Variants in ARHGAP39 observed in about 807,000 individuals in gnomAD.
ARHGAP39 encodes rho GTPase-activating protein 39.
A neutral mutation model predicts 106.9 loss-of-function variants in ARHGAP39; 44 were observed. The observed-to-expected ratio is 0.41, with a 90% CI of 0.32 to 0.53. The LOEUF (loss-of-function observed/expected upper bound fraction) is 0.53. ARHGAP39 is among the 20% of genes least tolerant of loss of function. The probability of loss-of-function intolerance (pLI) is 0.21; values close to 1 mark genes in which losing one functional copy is unlikely to be tolerated. For missense variants in ARHGAP39, 1,496 were observed against 1,577.3 expected (o/e 0.95, Z 0.87); for synonymous variants, 768 against 693.2 (o/e 1.11, Z -1.69).
At chr8:144,590,884 AGAGGG>A in intron 2 of ARHGAP39, among the ~76,000 whole-genome samples, 1 of 151,804 alleles carries the variant, frequency 6.6e-6, no homozygotes, top group South Asian at 2.1e-4. Context: ...GGGTCCAGCC[AGAGGG>A]TGAGGTCGCC....
chr8:144,692,499 T>G, the ARHGAP39 span, among the ~76,000 whole-genome samples: 16 of 152,304 alleles, frequency 1.1e-4, no homozygotes, highest in African/African-American at 3.6e-4. Context: ...CTTGCTTAAC[T>G]ATAAATCCTC....
chr8:144,568,526 G>A (rs1818481627), intron 3 of ARHGAP39, among the ~76,000 whole-genome samples: 1 of 152,148 alleles, frequency 6.6e-6, no homozygotes, highest in African/African-American at 2.4e-5. Flanking sequence ...GGAACTGTGT[G>A]GGGTGATGTA....
intron 3 of ARHGAP39, 121 bp downstream of exon 3, chr8:144,580,725 G>A (rs1235373598): frequency 3.9e-6 from 4 of 1,020,882 alleles, no homozygotes; most frequent in African/African-American, 2.4e-5. Flanking sequence ...ACCTGGCCCC[G>A]CCCACCACCT....
chr8:144,588,719 C>A (rs1297062115), intron 2 of ARHGAP39, among the ~76,000 whole-genome samples: 3 of 152,270 alleles, frequency 2.0e-5, no homozygotes, highest in African/African-American at 7.2e-5. Flanking sequence ...GGAGGCAGCA[C>A]GGCGGCACGG....
chr8:144,543,749 G>A (rs1472758456), intron 6 of ARHGAP39: 1 of 152,426 alleles, frequency 6.6e-6, no homozygotes, highest in Non-Finnish European at 1.5e-5. Flanking sequence ...ACTCCCCTAG[G>A]AAGCCACAGC....
At position 144,552,367 on chromosome 8, in the gene ARHGAP39, G is replaced by A. The variant is rs191810048; in HGVS notation, c.596+3193C>T. 2.0e-5 allele frequency among the ~76,000 whole-genome samples: 3 copies of A among 152,406 alleles called. No individual in the cohort carries two copies. The East Asian group carries it at 5.8e-4, about 29-fold the overall frequency. ...CTGCTGTCCCTGCAGAGCCTGGACG[G>A]AGCTGGGAGAAGCGCGCGGCGGCAG... is the stretch of plus-strand genomic sequence containing the variant. On this transcript the variant is annotated intron_variant, in intron 4 of 11. Coordinates refer to ENST00000377307, the MANE Select transcript of ARHGAP39 (RefSeq NM_025251.3).
intron 1 of ARHGAP39, among the ~76,000 whole-genome samples, chr8:144,630,672 G>A (rs556468005): frequency 2.0e-5 from 3 of 152,352 alleles, no homozygotes; most frequent in African/African-American, 7.2e-5. Context: ...ACAGTGTTAA[G>A]AGGTGGCACC....
At chr8:144,544,797 C>A (rs967613700) in intron 6 of ARHGAP39, among the ~76,000 whole-genome samples, 1 of 152,266 alleles carries the variant, frequency 6.6e-6, no homozygotes, top group African/African-American at 2.4e-5. Context: ...TGCCTGCTCA[C>A]AGGAGCCTTC....
At chr8:144,664,118 G>A (rs1821901778) in intron 1 of ARHGAP39, among the ~76,000 whole-genome samples, 1 of 152,128 alleles carries the variant, frequency 6.6e-6, no homozygotes, top group Admixed American at 6.5e-5. Flanking sequence ...AGTGAGCTGA[G>A]ATCATGCCAC....
chr8:144,582,363 G>A (rs540613658), intron 2 of ARHGAP39, among the ~76,000 whole-genome samples: 2 of 152,332 alleles, frequency 1.3e-5, no homozygotes, highest in South Asian at 2.1e-4. Context: ...ACACCTGCTC[G>A]TAGGACACCA....
In ARHGAP39 at chr8:144,548,098, TG is replaced by T; in HGVS notation, c.987del (p.Met330TrpfsTer54). On this transcript the variant is annotated frameshift_variant, in exon 5 of 12. Coordinates refer to ENST00000377307, the MANE Select transcript of ARHGAP39 (RefSeq NM_025251.3). LOFTEE classifies it high-confidence loss of function. This position sits in a 1 kb window ranked among gnomAD's most constrained non-coding sequence, Gnocchi z 7.4. ...EYQAPIYDEPPMDVQFEAGGG... is the reference protein window; with the variant it reads ...EYQAPIYDEPXMDVQFEAGGG... ...CCGCCAGCCTCGAATTGCACGTCCA[TG>T]GGGGGCTCATCGTAGATGGGGGCCT... 3 of 1,586,634 alleles carry T rather than the reference TG, an allele frequency of 1.9e-6. No homozygotes were observed. Among genetic ancestry groups the T allele is most frequent in the Non-Finnish European group, 8.6e-7 (1 of 1,167,682 alleles).
chr8:144,666,005 C>T (rs184322168), intron 1 of ARHGAP39, among the ~76,000 whole-genome samples: 4 of 152,294 alleles, frequency 2.6e-5, no homozygotes, highest in East Asian at 1.9e-4. Flanking sequence ...GGAGGCTATA[C>T]CCTGCAAAGC....
At position 144,545,777 on chromosome 8, in the gene ARHGAP39, TCTC is replaced by T; in HGVS notation, c.1990_1992del (p.Glu664del). On this transcript the variant is annotated inframe_deletion, in exon 6 of 12. Transcript: ENST00000377307. Reference sequence around the variant, plus strand: ...ACGCCGCTGCGGCTCTGCCGGCTGCTCTCGAACTGGGCACAGGCAGCGAGGTCC... The same window carrying T: ...ACGCCGCTGCGGCTCTGCCGGCTGCTGAACTGGGCACAGGCAGCGAGGTCC... 1 of 1,589,778 alleles carries T rather than the reference TCTC, an allele frequency of 6.3e-7. No individual in the cohort carries two copies. Among genetic ancestry groups the T allele is most frequent in the Non-Finnish European group, 8.6e-7 (1 of 1,168,426 alleles).
chr8:144,555,526 T>A, intron 4 of ARHGAP39, 34 bp downstream of exon 4: 1 of 1,595,376 alleles, frequency 6.3e-7, no homozygotes, highest in Non-Finnish European at 8.6e-7. Context: ...CCGCCCTCCA[T>A]CACAAACGGC....
intron 3 of ARHGAP39, among the ~76,000 whole-genome samples, chr8:144,562,484 G>GGACT (rs372324660): frequency 0.022 from 2,699 of 121,472 alleles, 101 homozygotes; most frequent in African/African-American, 0.085. Context: ...GGTTTCCATC[G>GGACT]CACTCCAGTG....
chr8:144,682,065 G>A (rs968213103), intron 1 of ARHGAP39, among the ~76,000 whole-genome samples: 2 of 151,764 alleles, frequency 1.3e-5, no homozygotes, highest in South Asian at 2.1e-4. Flanking sequence ...TCAGGAGATC[G>A]AGACCATCCT....
chr8:144,609,951 A>G (rs1051785825), intron 1 of ARHGAP39, among the ~76,000 whole-genome samples: 1 of 152,198 alleles, frequency 6.6e-6, no homozygotes, highest in Non-Finnish European at 1.5e-5. Context: ...CCAGATGGGC[A>G]TGTAGTTTCT....
At chr8:144,563,768 G>T (rs1223434533) in intron 3 of ARHGAP39, among the ~76,000 whole-genome samples, 1 of 151,788 alleles carries the variant, frequency 6.6e-6, no homozygotes, top group African/African-American at 2.4e-5. Context: ...TCTAGCATGG[G>T]TAACAGCGAG....
intron 3 of ARHGAP39, 42 bp from the exon 4 acceptor site, chr8:144,555,685 A>G (rs1817890381): frequency 3.2e-6 from 5 of 1,545,220 alleles, no homozygotes; most frequent in Non-Finnish European, 4.5e-6. Context: ...TATAAGTGCA[A>G]TCGTTTACCA....
Sources: gnomAD v4.1 joint callset for allele counts (sites outside exome capture counted in the v4.1 genomes callset) on GRCh38, gnomAD v4.1.1 for gene constraint, Gnocchi (gnomAD v3.1) non-coding constraint, MANE v1.5 for transcripts, NCBI Gene and HGNC (gene_info 2026-07-23, HGNC 2026-07-21) for gene names.